Variants in BEND6 observed in about 807,000 individuals in gnomAD.
BEND6 encodes BEN domain containing 6.
A neutral mutation model predicts 31.8 loss-of-function variants in BEND6; 24 were observed. The observed-to-expected ratio is 0.75, with a 90% CI of 0.55 to 1.06. The LOEUF is 1.06. Among genes scored for constraint, BEND6 ranks in the 50% least tolerant of loss-of-function variants. The pLI, the probability that BEND6 is intolerant of heterozygous loss-of-function variation, is 0.00. For synonymous variants in BEND6, 109 were observed against 114.6 expected (o/e 0.95, Z 0.31); for missense variants, 294 against 327.4 (o/e 0.90, Z 0.79).
intron 3 of BEND6, among the ~76,000 whole-genome samples, chr6:57,007,292 TAA>T (rs36090187): frequency 2.1e-5 from 3 of 140,106 alleles, no homozygotes; most frequent in African/African-American, 5.3e-5. Context: ...TGTCTCAAAT[TAA>T]AAAAAAAAAA....
At chr6:56,968,935 C>T (rs1825588837) in intron 1 of BEND6, among the ~76,000 whole-genome samples, 1 of 151,926 alleles carries the variant, frequency 6.6e-6, no homozygotes, top group African/African-American at 2.4e-5. Context: ...ATTAGCCAGC[C>T]GTGGTGGCAG....
intron 2 of BEND6, among the ~76,000 whole-genome samples, chr6:56,990,094 G>A (rs1171139948): frequency 2.0e-5 from 3 of 151,954 alleles, no homozygotes; most frequent in African/African-American, 7.3e-5. Flanking sequence ...TATGTAATAA[G>A]AGATCCATTT....
intron 6 of BEND6, among the ~76,000 whole-genome samples, chr6:57,019,503 C>T (rs940249940): frequency 2.0e-5 from 3 of 152,074 alleles, no homozygotes; most frequent in Non-Finnish European, 2.9e-5. Flanking sequence ...CAGCCACTTT[C>T]GAGACCATTT....
intron 1 of BEND6, among the ~76,000 whole-genome samples, chr6:56,961,468 G>C (rs1472919354): frequency 1.3e-5 from 2 of 152,096 alleles, no homozygotes; most frequent in African/African-American, 4.8e-5. Context: ...AACCCTAAGA[G>C]GAGAAAAGAC....
At position 56,981,928 on chromosome 6, in the gene BEND6, C is replaced by T; in HGVS notation, c.118C>T (p.Gln40Ter). The T allele has an allele frequency of 6.2e-7, 1 of 1,604,868 alleles. No individual in the cohort carries two copies. Among genetic ancestry groups the T allele is most frequent in the South Asian group, 1.1e-5 (1 of 88,526 alleles). Residue 40 changes from glutamine to a stop codon, truncating the protein, a stop_gained and splice_region_variant, in exon 2 of 7, where the codon CAG becomes TAG. Coordinates refer to ENST00000370746, the MANE Select transcript of BEND6 (RefSeq NM_152731.3). LOFTEE classifies it high-confidence loss of function. The stretch of plus-strand genomic sequence containing the variant: ...TGCAAATAGTGACATGGATAAAGGA[C>T]AGGTTGGTTTTTTGTTACCTTGACT... ...ENANSDMDKG[Q>*]RDPYSGNAFL...
intron 3 of BEND6, among the ~76,000 whole-genome samples, chr6:56,999,195 C>T (rs1382932696): frequency 6.6e-6 from 1 of 152,190 alleles, no homozygotes; most frequent in African/African-American, 2.4e-5. Flanking sequence ...GTATTCAGAG[C>T]ACTTGCTCAT....
At chr6:57,004,437 C>T (rs576505447) in intron 3 of BEND6, 34 of 586,350 alleles carry the variant, frequency 5.8e-5, no homozygotes, top group South Asian at 5.6e-4. Flanking sequence ...CCCCAGCTGG[C>T]TGCCCATAGC....
At chr6:56,988,298 G>A (rs915255460) in intron 2 of BEND6, among the ~76,000 whole-genome samples, 2 of 152,074 alleles carry the variant, frequency 1.3e-5, no homozygotes, top group Non-Finnish European at 2.9e-5. Flanking sequence ...TTACAGGCGT[G>A]AGCCACCACG....
At chr6:56,987,098 C>G (rs1826309280) in intron 2 of BEND6, among the ~76,000 whole-genome samples, 1 of 151,916 alleles carries the variant, frequency 6.6e-6, no homozygotes, top group African/African-American at 2.4e-5. Context: ...GTGCCTCAGC[C>G]TCCCAAGTAG....
intron 3 of BEND6, chr6:57,010,510 A>G (rs1827308046): frequency 5.3e-6 from 1 of 190,432 alleles, no homozygotes; most frequent in Non-Finnish European, 9.7e-6. Flanking sequence ...AATTTTAAAT[A>G]CACCTTTTAG....
At chr6:57,008,883 T>G (rs993406354) in intron 3 of BEND6, 1 of 152,212 alleles carries the variant, frequency 6.6e-6, no homozygotes, top group Non-Finnish European at 1.5e-5. Flanking sequence ...GGAATCAACT[T>G]AAGTGTCCAA....
chr6:57,011,817 GA>G (rs1827359163), intron 3 of BEND6, among the ~76,000 whole-genome samples: 1 of 151,506 alleles, frequency 6.6e-6, no homozygotes, highest in Non-Finnish European at 1.5e-5. Flanking sequence ...TTCCAAGTGA[GA>G]AAAGGAGCAT....
intron 1 of BEND6, among the ~76,000 whole-genome samples, chr6:56,971,385 TG>T (rs1225954046): frequency 4.6e-5 from 7 of 152,250 alleles, no homozygotes; most frequent in Non-Finnish European, 1.0e-4. Context: ...TCGATGGACA[TG>T]GGTTGCTTCC....
intron 3 of BEND6, chr6:57,009,155 G>C (rs901495479): frequency 6.6e-6 from 1 of 152,134 alleles, no homozygotes; most frequent in Non-Finnish European, 1.5e-5. Context: ...GAAAGGTAGG[G>C]AGAGATTTAT....
intron 1 of BEND6, among the ~76,000 whole-genome samples, chr6:56,978,777 G>A (rs1825973685): frequency 6.6e-6 from 1 of 152,170 alleles, no homozygotes; most frequent in African/African-American, 2.4e-5. Flanking sequence ...TGAAATTTTT[G>A]TGAATGAGAC....
At chr6:57,024,040 G>A (rs975944568) in intron 6 of BEND6, among the ~76,000 whole-genome samples, 7 of 152,084 alleles carry the variant, frequency 4.6e-5, no homozygotes, top group Admixed American at 1.3e-4. Flanking sequence ...AAAAGATGAC[G>A]ATTTTTATTA....
intron 6 of BEND6, among the ~76,000 whole-genome samples, chr6:57,022,733 T>C (rs1191552095): frequency 2.8e-5 from 4 of 142,228 alleles, no homozygotes; most frequent in Non-Finnish European, 6.3e-5. Flanking sequence ...GGTTGTTTAT[T>C]TGAAGTCTTT....
chr6:57,017,023 T>TCTAATC (rs1229322409), intron 4 of BEND6, among the ~76,000 whole-genome samples, 184 bp from the exon 5 acceptor site: 1 of 151,852 alleles, frequency 6.6e-6, no homozygotes, highest in Non-Finnish European at 1.5e-5. Flanking sequence ...AACATTTAAA[T>TCTAATC]CTAATCCCTG....
intron 1 of BEND6, among the ~76,000 whole-genome samples, chr6:56,972,204 C>T (rs186630894): frequency 1.0e-4 from 15 of 150,086 alleles, no homozygotes; most frequent in African/African-American, 9.8e-5. Flanking sequence ...AAGCAATTCT[C>T]CTGCCTCAGC....
Sources: allele counts gnomAD v4.1 joint callset (sites outside exome capture counted in the v4.1 genomes callset), GRCh38; gene constraint gnomAD v4.1.1; transcripts MANE v1.5; gene names NCBI Gene and HGNC (gene_info 2026-07-23, HGNC 2026-07-21).